Variants in SRSF10 observed in about 807,000 individuals in gnomAD.
SRSF10 encodes the protein serine and arginine rich splicing factor 10.
SRSF10 carries 9 observed loss-of-function variants against 32.6 expected under a neutral mutation model. The ratio of observed to expected loss-of-function variants is 0.28; its 90% CI spans 0.17 to 0.48. The LOEUF (loss-of-function observed/expected upper bound fraction) is 0.48, where lower values mean the gene tolerates loss of function less well. SRSF10 is among the 20% of genes least tolerant of loss of function. The pLI is 0.99. For missense variants in SRSF10, 201 were observed against 331.8 expected (o/e 0.61, Z 3.06); for synonymous variants, 105 against 112.4 (o/e 0.93, Z 0.42).
At chr1:23,979,057 G>GTTTTTTTTTTTTTTTT (rs71655401) in intron 1 of SRSF10, 2 of 133,980 alleles carry the variant, frequency 1.5e-5, no homozygotes, top group Non-Finnish European at 1.6e-5. Context: ...TATAAGCCTT[G>GTTTTTTTTTTTTTTTT]TTTTTTTTTT....
chr1:23,971,431 T>C lies in SRSF10; in HGVS notation c.500A>G (p.His167Arg). ...AGATCTTGAAAAAGATCGATTTCGG[T>C]GTTTGAATCTTTCAAAACAGAGGAG... ...RSHSDNDRFK[H>R]RNRSFSRSKS... The change falls in exon 6 of 6, where the codon CAC becomes CGC. Residue 167 changes from histidine (H) to arginine (R), a missense_variant. Physicochemically the swap from His to Arg is conservative, Grantham distance 29. Transcript: ENST00000492112. The C allele has an allele frequency of 1.2e-6, 2 of 1,608,290 alleles. No homozygotes were observed. The highest frequency in any genetic ancestry group is 1.7e-6 in the Non-Finnish European group (2 of 1,178,434).
intron 3 of SRSF10, among the ~76,000 whole-genome samples, chr1:23,974,067 C>T (rs1641934129): frequency 6.6e-6 from 1 of 151,100 alleles, no homozygotes; most frequent in South Asian, 2.1e-4. Context: ...TCTCGGCTCA[C>T]TGCAACCTCT....
At position 23,967,425 on chromosome 1, in the gene SRSF10, T is replaced by C. The variant is rs1377002520; in HGVS notation, c.*3717A>G. Reference sequence around the variant, plus strand: ...TGGACCTGTTACCCATGAATCAATATAAACCTATTCATATTTAGGGATTAG... The same window carrying C: ...TGGACCTGTTACCCATGAATCAATACAAACCTATTCATATTTAGGGATTAG... On this transcript the variant is annotated 3_prime_UTR_variant, in exon 6 of 6. Coordinates refer to ENST00000492112, the MANE Select transcript of SRSF10 (RefSeq NM_054016.4). 6 of 447,146 alleles carry C rather than the reference T, an allele frequency of 1.3e-5. No individual in the cohort carries two copies. Among genetic ancestry groups the C allele is most frequent in the African/African-American group, 1.2e-4 (6 of 51,228 alleles). 27.7% of individuals were successfully genotyped at this position (447,146 alleles called of 1,614,324 possible).
rs1309619577 is a variant in SRSF10 at position 23,971,160 on chromosome 1, A to G, written c.771T>C (p.Pro257=). The G allele has an allele frequency of 3.1e-6, 5 of 1,611,724 alleles. No homozygotes were observed. In the African/African-American group the frequency reaches 5.4e-5, roughly 17 times the overall value. ...SKSRSRSWTS[P]KSSGH is the part of the protein sequence containing the mutation. ...TATACTATCAGTGGCCACTGGACTTAGGACTAGTCCAAGACCTTGATCTAG... is the reference window on the plus strand; with the variant it reads ...TATACTATCAGTGGCCACTGGACTTGGGACTAGTCCAAGACCTTGATCTAG... Residue 257 remains proline (P), a synonymous_variant, in exon 6 of 6, where the codon CCT becomes CCC. Transcript: ENST00000492112.
In SRSF10 at chr1:23,972,114, A is replaced by T; in HGVS notation, c.275-102T>A. 3 of 1,031,378 alleles carry T rather than the reference A, an allele frequency of 2.9e-6. No individual in the cohort carries two copies. In the Admixed American group the frequency reaches 8.5e-5, roughly 29 times the overall value. 63.9% of individuals were successfully genotyped at this position (1,031,378 alleles called of 1,614,324 possible). On this transcript the variant is annotated intron_variant, in intron 3 of 5. Transcript: ENST00000492112. ...TCCCTGCATCCCCTCTTATATCCCAAAGAGAGTATGTATGACCCGGGTGGT... is the reference window on the plus strand; with the variant it reads ...TCCCTGCATCCCCTCTTATATCCCATAGAGAGTATGTATGACCCGGGTGGT...
rs1443027394 is a variant in SRSF10, at chr1:23,971,415, A to G, written c.516T>C (p.Phe172=). The change falls in exon 6 of 6, where the codon TTT becomes TTC. Residue 172 remains phenylalanine, a synonymous_variant. Coordinates refer to ENST00000492112, the MANE Select transcript of SRSF10 (RefSeq NM_054016.4). ...ATCTTGAATTGGATTTAGATCTTGA[A>G]AAAGATCGATTTCGGTGTTTGAATC... ...NDRFKHRNRS[F]SRSKSNSRSR... The G allele has an allele frequency of 1.4e-5, 22 of 1,609,762 alleles. No individual in the cohort carries two copies. The African/African-American group carries it at 2.7e-4, about 20-fold the overall frequency.
At chr1:23,972,110 C>A in intron 3 of SRSF10, 98 bp from the exon 4 acceptor site, 1 of 1,065,182 alleles carries the variant, frequency 9.4e-7, no homozygotes. Flanking sequence ...CCTCTTATAT[C>A]CCAAAGAGAG....
chr1:23,976,007 A>C (rs1570785860), intron 2 of SRSF10: 1 of 152,346 alleles, frequency 6.6e-6, no homozygotes, highest in East Asian at 1.9e-4. Flanking sequence ...TTATATAGCT[A>C]TTCTGTCCAA....
At chr1:23,978,688 AATC>A in intron 2 of SRSF10, 22 bp downstream of exon 2, 1 of 1,604,938 alleles carries the variant, frequency 6.2e-7, no homozygotes, top group Non-Finnish European at 8.5e-7. Flanking sequence ...ACCCCTCACT[AATC>A]AGCCATCTGA....
At chr1:23,980,116 G>A in intron 1 of SRSF10, 75 bp downstream of exon 1, 1 of 1,446,010 alleles carries the variant, frequency 6.9e-7, no homozygotes, top group Non-Finnish European at 9.3e-7. Flanking sequence ...CCGGCCCAGT[G>A]CCGCCACCAC....
At chr1:23,973,585 T>C (rs907060347) in intron 3 of SRSF10, among the ~76,000 whole-genome samples, 8 of 152,300 alleles carry the variant, frequency 5.3e-5, no homozygotes, top group African/African-American at 1.7e-4. Context: ...CCTCCCAAAG[T>C]GGTGGGATTA....
Position 23,967,755 on chromosome 1 carries a change from G to T in SRSF10, c.*3387C>A. 6.2e-7 allele frequency: 1 copy of T among 1,610,626 alleles called. No homozygotes were observed. Among genetic ancestry groups the T allele is most frequent in the Non-Finnish European group, 8.5e-7 (1 of 1,177,790 alleles). On this transcript the variant is annotated 3_prime_UTR_variant, in exon 6 of 6. Transcript: ENST00000492112. ...TAAAAGAAGGATGTTTGTCAGTTTG[G>T]TTTCCTTTATTCTTCTCTGTGGTAT...
chr1:23,974,107 T>A (rs1301705548), intron 3 of SRSF10, among the ~76,000 whole-genome samples: 5 of 151,852 alleles, frequency 3.3e-5, no homozygotes, highest in Admixed American at 6.6e-5. Context: ...TTCTCCTGCC[T>A]CAGCCTCCCC....
intron 1 of SRSF10, 22 bp downstream of exon 1, chr1:23,980,169 G>A (rs1223460031): frequency 8.5e-6 from 13 of 1,531,976 alleles, no homozygotes; most frequent in African/African-American, 2.8e-5. Flanking sequence ...GCCTAGGCCC[G>A]GAGTACCTGC....
intron 2 of SRSF10, chr1:23,978,506 G>T: frequency 1.5e-6 from 1 of 689,400 alleles, no homozygotes. Flanking sequence ...AGTTTCAGAA[G>T]CATGAATGGG....
intron 3 of SRSF10, among the ~76,000 whole-genome samples, chr1:23,974,425 A>G (rs1288146444): frequency 3.3e-5 from 5 of 152,184 alleles, no homozygotes; most frequent in African/African-American, 1.2e-4. Context: ...AAGAGTCCAC[A>G]TATATTTCAG....
intron 3 of SRSF10, among the ~76,000 whole-genome samples, chr1:23,973,536 G>T (rs1314407274): frequency 2.0e-5 from 3 of 151,922 alleles, no homozygotes; most frequent in African/African-American, 7.3e-5. Context: ...GCCCAGGCTG[G>T]TCTCAAACTC....
Position 23,969,560 on chromosome 1 carries a change from A to C in SRSF10, c.*1582T>G. On this transcript the variant is annotated 3_prime_UTR_variant, in exon 6 of 6. Coordinates refer to ENST00000492112, the MANE Select transcript of SRSF10 (RefSeq NM_054016.4). ...TAGATTACTAAAACCGAAATTGAAA[A>C]AAGTAATCCTCTAAAAGGAATCGTT... 1 of 985,260 alleles carries C rather than the reference A, an allele frequency of 1.0e-6. No individual in the cohort carries two copies. Among genetic ancestry groups the C allele is most frequent in the Non-Finnish European group, 1.2e-6 (1 of 829,764 alleles). The allele number at this position is 985,260 out of a possible 1,614,324, so 61.0% of individuals were successfully genotyped here. A position where few individuals can be genotyped will look rare whatever the true frequency, so the allele number is the denominator to read the frequency against.
At position 23,978,825 on chromosome 1, in the gene SRSF10, A is replaced by G; in HGVS notation, c.66-8T>C. On this transcript the variant is annotated splice_region_variant and splice_polypyrimidine_tract_variant and intron_variant, in intron 1 of 5. Coordinates refer to ENST00000492112, the MANE Select transcript of SRSF10 (RefSeq NM_054016.4). ...CGCCGCAAGTCTTCAGACCTAAAAC[A>G]TCATAAAAAGACCTCAAATTTTTAT... is the stretch of plus-strand genomic sequence containing the variant. 4 of 1,594,404 alleles carry G rather than the reference A, an allele frequency of 2.5e-6. No homozygotes were observed. The highest frequency in any genetic ancestry group is 2.6e-6 in the Non-Finnish European group (3 of 1,169,438).
Sources: allele counts gnomAD v4.1 joint callset (sites outside exome capture counted in the v4.1 genomes callset), GRCh38; gene constraint gnomAD v4.1.1; transcripts MANE v1.5; gene names NCBI Gene and HGNC (gene_info 2026-07-23, HGNC 2026-07-21).